Variants in MAP3K5 observed in about 807,000 individuals in gnomAD.
The protein encoded by MAP3K5 is ASK-1.
MAP3K5 carries 56 observed loss-of-function variants against 158.7 expected under a neutral mutation model. The ratio of observed to expected loss-of-function variants is 0.35; its 90% CI spans 0.28 to 0.44. MAP3K5 has a LOEUF of 0.44. MAP3K5 is among the 20% of genes least tolerant of loss of function. The pLI is 1.00. For synonymous variants in MAP3K5, 579 were observed against 601.7 expected (o/e 0.96, Z 0.55); for missense variants, 1,294 against 1,674.8 (o/e 0.77, Z 3.97).
At position 136,697,262 on chromosome 6, in the gene MAP3K5, G is replaced by A. The variant is rs1780638507; in HGVS notation, c.932C>T (p.Ala311Val). ...QRVDNIEVLT[A>V]DIVINLLLSY... is the part of the protein sequence containing the mutation. Reference sequence around the variant, plus strand: ...AAGTAACAGATTTATGACAATATCTGCTGTCAAGACTTCGATATTATCTAC... The same window carrying A: ...AAGTAACAGATTTATGACAATATCTACTGTCAAGACTTCGATATTATCTAC... The change falls in exon 5 of 30, where the codon GCA becomes GTA. Residue 311 changes from alanine to valine, a missense_variant. This residue lies in a region of MAP3K5 where 690 missense variants were observed against 870.5 expected (regional missense o/e 0.79). Coordinates refer to ENST00000359015, the MANE Select transcript of MAP3K5 (RefSeq NM_005923.4). 1 of 1,613,532 alleles carries A rather than the reference G, an allele frequency of 6.2e-7. No homozygotes were observed. The highest frequency in any genetic ancestry group is 8.5e-7 in the Non-Finnish European group (1 of 1,179,712).
At chr6:136,643,248 A>G (rs956429288) in intron 11 of MAP3K5, among the ~76,000 whole-genome samples, 2 of 152,248 alleles carry the variant, frequency 1.3e-5, no homozygotes, top group Non-Finnish European at 2.9e-5. Flanking sequence ...TTATCACTAA[A>G]GCTAAGATAA....
intron 2 of MAP3K5, among the ~76,000 whole-genome samples, chr6:136,712,174 G>A (rs539741538): frequency 7.8e-6 from 1 of 127,478 alleles, no homozygotes; most frequent in South Asian, 2.5e-4. Flanking sequence ...ATTTAATAGA[G>A]CTTTTTTTTT....
At chr6:136,725,639 G>A (rs1190399951) in intron 1 of MAP3K5, among the ~76,000 whole-genome samples, 3 of 152,142 alleles carry the variant, frequency 2.0e-5, no homozygotes, top group East Asian at 3.8e-4. Flanking sequence ...GATACTGTCA[G>A]ATAATGACTT....
rs1307950697 is a variant in MAP3K5 at position 136,562,561 on chromosome 6, T to A, written c.3816A>T (p.Arg1272=). 7 of 1,605,014 alleles carry A rather than the reference T, an allele frequency of 4.4e-6. No individual in the cohort carries two copies. The highest frequency in any genetic ancestry group is 6.0e-6 in the Non-Finnish European group (7 of 1,175,824). The change falls in exon 27 of 30, where the codon CGA becomes CGT. Residue 1272 remains arginine, a synonymous_variant. Coordinates refer to ENST00000359015, the MANE Select transcript of MAP3K5 (RefSeq NM_005923.4). ...TTTCTTGGTCTTTTTCTTCAATAGCTCGATGAAGGAGTGCTTGTAATTCTT... is the reference window on the plus strand; with the variant it reads ...TTTCTTGGTCTTTTTCTTCAATAGCACGATGAAGGAGTGCTTGTAATTCTT... The part of the protein sequence containing the change: ...KEKELQALLH[R]AIEEKDQEIK...
intron 1 of MAP3K5, among the ~76,000 whole-genome samples, chr6:136,788,301 G>T (rs756920679): frequency 1.3e-5 from 2 of 152,190 alleles, no homozygotes; most frequent in Non-Finnish European, 2.9e-5. Flanking sequence ...AGGTTTAAAT[G>T]TAAGACCTCA....
At position 136,717,389 on chromosome 6, in the gene MAP3K5, T is replaced by G. The variant is rs117047776; in HGVS notation, c.588+3061A>C. On this transcript the variant is annotated intron_variant, in intron 2 of 29. Coordinates refer to ENST00000359015, the MANE Select transcript of MAP3K5 (RefSeq NM_005923.4). ...TTTTCTACGATTTCTTCCTGAGAAT[T>G]TGCCACCAAAGAGAAACTGCAGTCT... is the stretch of plus-strand genomic sequence containing the variant. Among the ~76,000 whole-genome samples, 293 of 152,298 alleles carry G rather than the reference T, an allele frequency of 1.9e-3. 7 individuals are homozygous for G. The East Asian group carries it at 0.035, about 18-fold the overall frequency.
At chr6:136,621,754 A>G (rs1344798727) in intron 15 of MAP3K5, among the ~76,000 whole-genome samples, 1 of 152,176 alleles carries the variant, frequency 6.6e-6, no homozygotes, top group African/African-American at 2.4e-5. Flanking sequence ...TCTCTTGTGG[A>G]CAGACCTTGT....
intron 1 of MAP3K5, among the ~76,000 whole-genome samples, chr6:136,760,607 G>A (rs1183655560): frequency 2.0e-5 from 3 of 152,094 alleles, no homozygotes; most frequent in African/African-American, 4.8e-5. Flanking sequence ...ATAATATTAC[G>A]AGGTGAGGGC....
intron 3 of MAP3K5, among the ~76,000 whole-genome samples, chr6:136,704,507 T>A (rs931129397): frequency 6.6e-5 from 10 of 152,222 alleles, no homozygotes; most frequent in Non-Finnish European, 1.2e-4. Context: ...GTGCCACTCA[T>A]AATTCCACAA....
intron 24 of MAP3K5, among the ~76,000 whole-genome samples, chr6:136,583,068 T>C (rs1166023359): frequency 6.6e-6 from 1 of 152,230 alleles, no homozygotes; most frequent in African/African-American, 2.4e-5. Context: ...GAGTAGGTAT[T>C]TATGAAACAA....
chr6:136,690,723 G>T (rs1020351788), intron 7 of MAP3K5, among the ~76,000 whole-genome samples: 8 of 151,708 alleles, frequency 5.3e-5, no homozygotes, highest in Non-Finnish European at 1.0e-4. Context: ...ATCCTATATT[G>T]GTTACATGCA....
At position 136,562,506 on chromosome 6, in the gene MAP3K5, T is replaced by A; in HGVS notation, c.3871A>T (p.Ile1291Leu). 1 of 1,549,496 alleles carries A rather than the reference T, an allele frequency of 6.5e-7. No individual in the cohort carries two copies. The highest frequency in any genetic ancestry group is 8.8e-7 in the Non-Finnish European group (1 of 1,135,028). Residue 1291 changes from isoleucine (I) to leucine (L), a missense_variant, in exon 27 of 30, where the codon ATA becomes TTA. This residue lies in a region of MAP3K5 where 199 missense variants were observed against 220.3 expected (regional missense o/e 0.90). Transcript: ENST00000359015. Reference sequence around the variant, plus strand: ...TATAAAACTTTCTGCTATTCACCTATGGGTTGGGACTTAAGCTTCAGGTGT... The same window carrying A: ...TATAAAACTTTCTGCTATTCACCTAAGGGTTGGGACTTAAGCTTCAGGTGT... ...IKHLKLKSQP[I>L]EIPELPVFHL...
At chr6:136,768,862 A>T (rs1309644067) in intron 1 of MAP3K5, among the ~76,000 whole-genome samples, 1 of 151,992 alleles carries the variant, frequency 6.6e-6, no homozygotes, top group Non-Finnish European at 1.5e-5. Context: ...GCAGTGAGCC[A>T]AGATCGTGCC....
chr6:136,595,640 T>C (rs1775592478), intron 21 of MAP3K5, among the ~76,000 whole-genome samples: 1 of 152,198 alleles, frequency 6.6e-6, no homozygotes, highest in South Asian at 2.1e-4. Context: ...TATTCTAAGA[T>C]GAGAAATAAT....
Position 136,659,207 on chromosome 6 carries a change from G to C in MAP3K5, c.1526+12C>G. The C allele has an allele frequency of 6.2e-7, 1 of 1,607,238 alleles. No homozygotes were observed. Among genetic ancestry groups the C allele is most frequent in the Non-Finnish European group, 8.5e-7 (1 of 1,174,458 alleles). On this transcript the variant is annotated intron_variant, in intron 9 of 29. Transcript: ENST00000359015. ...TTATTAATTGTATCAACATATAATA[G>C]CTAATTATTACCATGCTGGTGTCTT...
intron 15 of MAP3K5, among the ~76,000 whole-genome samples, chr6:136,616,831 C>T (rs950143561): frequency 6.6e-6 from 1 of 151,950 alleles, no homozygotes; most frequent in African/African-American, 2.4e-5. Context: ...CAGGCTCAAG[C>T]AATGCTCCCA....
chr6:136,590,326 C>G (rs1481384032), intron 23 of MAP3K5, among the ~76,000 whole-genome samples: 1 of 152,112 alleles, frequency 6.6e-6, no homozygotes, highest in Non-Finnish European at 1.5e-5. Flanking sequence ...TAAAACACAG[C>G]CCTAGCAAAC....
At chr6:136,662,846 G>A (rs939317623) in intron 8 of MAP3K5, among the ~76,000 whole-genome samples, 1 of 152,132 alleles carries the variant, frequency 6.6e-6, no homozygotes, top group Non-Finnish European at 1.5e-5. Context: ...TTTAAGCAAT[G>A]AGCAGTATGT....
At chr6:136,673,447 A>G (rs1454881895) in intron 7 of MAP3K5, among the ~76,000 whole-genome samples, 2 of 152,242 alleles carry the variant, frequency 1.3e-5, no homozygotes, top group African/African-American at 4.8e-5. Flanking sequence ...CGGATGCTGG[A>G]GTTTATAGAC....
Sources: gnomAD v4.1 joint callset for allele counts (sites outside exome capture counted in the v4.1 genomes callset) on GRCh38, gnomAD v4.1.1 for gene constraint, gnomAD v4.1.1 regional missense constraint, MANE v1.5 for transcripts, NCBI Gene and HGNC (gene_info 2026-07-23, HGNC 2026-07-21) for gene names.